The following EML1 variants were observed in gnomAD, a reference collection of about 807,000 sequenced individuals.
EML1 encodes the protein echinoderm microtubule-associated protein-like 1.
In EML1, 27 loss-of-function variants were observed where a neutral mutation model predicts 110.4. The observed-to-expected ratio is 0.24, with a 90% CI of 0.18 to 0.34. The LOEUF is 0.34. Ranked by LOEUF, EML1 falls within the 10% of genes least tolerant of loss-of-function variation. The pLI is 1.00. For synonymous variants in EML1, 344 were observed against 385.8 expected, an observed-to-expected ratio of 0.89 and a Z score of 1.27; for missense variants, 741 against 1,030.9, an observed-to-expected ratio of 0.72 and a Z score of 3.85.
chr14:99,931,708 C>G (rs984985583), intron 17 of EML1, among the ~76,000 whole-genome samples: 24 of 152,102 alleles, frequency 1.6e-4, no homozygotes, highest in Non-Finnish European at 3.4e-4. Flanking sequence ...ACAGGCTGTG[C>G]TAGGTTTCTT....
intron 3 of EML1, among the ~76,000 whole-genome samples, chr14:99,877,901 G>A (rs183377826): frequency 3.9e-5 from 6 of 152,254 alleles, no homozygotes; most frequent in Admixed American, 2.6e-4. Context: ...ATTGCCAGAT[G>A]TCTTGGGGGC....
chr14:99,810,074 G>A (rs2058049987), intron 1 of EML1, among the ~76,000 whole-genome samples: 1 of 152,172 alleles, frequency 6.6e-6, no homozygotes, highest in Non-Finnish European at 1.5e-5. Context: ...ACTTGTATCT[G>A]CGGACACTCC....
chr14:99,824,589 C>CT (rs141257024), intron 1 of EML1, among the ~76,000 whole-genome samples: 5,173 of 149,714 alleles, frequency 0.035, 310 homozygotes, highest in African/African-American at 0.12. Context: ...GTGAAAATTT[C>CT]TTTTTTTTTT....
upstream of EML1, among the ~76,000 whole-genome samples, chr14:99,772,526 G>A (rs1051391595): frequency 6.6e-5 from 10 of 152,180 alleles, no homozygotes; most frequent in Non-Finnish European, 1.2e-4. Context: ...CACCCCCTGG[G>A]GGTTGATTCC....
chr14:99,747,187 C>CA (rs35376029), intron 1 of EML1, among the ~76,000 whole-genome samples: 52,601 of 95,398 alleles, frequency 0.55, 15,830 homozygotes, highest in Middle Eastern at 0.69. Flanking sequence ...GACCCCGTCT[C>CA]AAAAAAAAAA....
intron 1 of EML1, among the ~76,000 whole-genome samples, chr14:99,828,024 C>T (rs983953848): frequency 7.2e-5 from 11 of 152,130 alleles, no homozygotes; most frequent in African/African-American, 2.4e-4. Flanking sequence ...GATCTCAGGT[C>T]ATTTCATAGA....
Position 99,939,919 on chromosome 14 carries a change from A to G in EML1, c.2323-68A>G, listed in dbSNP as rs898742501. 57 of 1,464,296 alleles carry G rather than the reference A, an allele frequency of 3.9e-5. 1 individual carries two copies. The highest frequency in any genetic ancestry group is 1.8e-4 in the Middle Eastern group (1 of 5,480). 90.7% of individuals were successfully genotyped at this position (1,464,296 alleles called of 1,614,324 possible). On this transcript the variant is annotated intron_variant, in intron 21 of 21. Transcript: ENST00000262233. This position sits in a 1 kb window ranked among gnomAD's most constrained non-coding sequence, Gnocchi z 4.2. ...AATTAAGGCATGCAGTGAGAATTCA[A>G]GCACTTTCCCATCCCAGATGGTTCG...
chr14:99,756,242 A>G (rs2057253061), intron 1 of EML1, among the ~76,000 whole-genome samples: 2 of 152,156 alleles, frequency 1.3e-5, no homozygotes, highest in Admixed American at 1.3e-4. Context: ...GGCACTGACC[A>G]ATGCCAGTCC....
At chr14:99,826,559 G>T (rs930740296) in intron 1 of EML1, among the ~76,000 whole-genome samples, 1 of 152,110 alleles carries the variant, frequency 6.6e-6, no homozygotes, top group Non-Finnish European at 1.5e-5. Context: ...TCCTTAAGCA[G>T]CACGCCACAG....
intron 2 of EML1, among the ~76,000 whole-genome samples, chr14:99,862,280 A>G (rs1595394041): frequency 1.3e-5 from 2 of 152,216 alleles, no homozygotes; most frequent in East Asian, 3.9e-4. Context: ...CATGCTATCA[A>G]CATGGCTCAT....
At chr14:99,926,002 C>A (rs1420355571) in intron 17 of EML1, among the ~76,000 whole-genome samples, 2 of 152,190 alleles carry the variant, frequency 1.3e-5, no homozygotes, top group East Asian at 1.9e-4. Flanking sequence ...GCCTGTTCTT[C>A]CCTGCCAGGA....
chr14:99,888,028 GT>G (rs951794870), intron 4 of EML1, among the ~76,000 whole-genome samples: 1 of 152,086 alleles, frequency 6.6e-6, no homozygotes, highest in Non-Finnish European at 1.5e-5. Context: ...AATAAGCTGG[GT>G]TTTTTTCAAT....
chr14:99,864,577 C>T (rs1468244045), intron 2 of EML1, among the ~76,000 whole-genome samples: 7 of 151,984 alleles, frequency 4.6e-5, no homozygotes, highest in African/African-American at 1.4e-4. Context: ...ACTGGGAGGC[C>T]GAGGCAGGCG....
At chr14:99,803,438 AAGAACTGGT>A (rs1233642193) in intron 1 of EML1, among the ~76,000 whole-genome samples, 2 of 152,214 alleles carry the variant, frequency 1.3e-5, no homozygotes, top group Admixed American at 1.3e-4. Flanking sequence ...CCCTTCAGCA[AAGAACTGGT>A]AGACTTAGAC....
chr14:99,786,305 TA>T (rs1241986376), intron 1 of EML1, among the ~76,000 whole-genome samples: 1 of 152,166 alleles, frequency 6.6e-6, no homozygotes, highest in Non-Finnish European at 1.5e-5. Context: ...TGGAGAATGT[TA>T]CCCTGGAGAA....
Position 99,940,777 on chromosome 14 carries a change from C to T in EML1, c.*665C>T, listed in dbSNP as rs1443595490. On this transcript the variant is annotated 3_prime_UTR_variant, in exon 22 of 22. Coordinates refer to ENST00000262233, the MANE Select transcript of EML1 (RefSeq NM_004434.3). ...AGGCGTTTCCAAGTTTCAGTGACAC[C>T]GTCCTGCCTAACCAGATGCGGTCAG... 3 of 152,194 alleles carry T rather than the reference C, an allele frequency of 2.0e-5. No individual in the cohort carries two copies. Among genetic ancestry groups the T allele is most frequent in the Admixed American group, 6.5e-5 (1 of 15,284 alleles). The allele number at this position is 152,194 out of a possible 1,614,324, so 9.4% of individuals were successfully genotyped here.
At chr14:99,839,350 G>A (rs1328184820) in intron 1 of EML1, among the ~76,000 whole-genome samples, 1 of 152,134 alleles carries the variant, frequency 6.6e-6, no homozygotes, top group African/African-American at 2.4e-5. Flanking sequence ...CTACATTTCT[G>A]TTATGGTTAT....
chr14:99,867,503 A>C (rs375644286), intron 3 of EML1, among the ~76,000 whole-genome samples: 1 of 152,114 alleles, frequency 6.6e-6, no homozygotes, highest in South Asian at 2.1e-4. Context: ...CTTTTAGCAA[A>C]GTTTTGTAGT....
intron 15 of EML1, among the ~76,000 whole-genome samples, chr14:99,916,411 T>C (rs2060034905): frequency 6.6e-6 from 1 of 152,186 alleles, no homozygotes; most frequent in Non-Finnish European, 1.5e-5. Flanking sequence ...ATATATCAAG[T>C]TTCTTTCTCT....
Sources: allele counts gnomAD v4.1 joint callset (sites outside exome capture counted in the v4.1 genomes callset), GRCh38; gene constraint gnomAD v4.1.1; non-coding constraint Gnocchi (gnomAD v3.1); transcripts MANE v1.5; gene names NCBI Gene and HGNC (gene_info 2026-07-23, HGNC 2026-07-21).